Variants in MAGI2 observed in about 807,000 individuals in gnomAD.
MAGI2 encodes the protein membrane associated guanylate kinase, WW and PDZ domain containing 2, also known as membrane-associated guanylate kinase, WW and PDZ domain-containing protein 2.
A neutral mutation model predicts 133.3 loss-of-function variants in MAGI2; 35 were observed. That is an observed-to-expected ratio of 0.26 (90% CI 0.20 to 0.35). The LOEUF (loss-of-function observed/expected upper bound fraction) is 0.35, where lower values mean the gene tolerates loss of function less well. Ranked by LOEUF, MAGI2 falls within the 10% of genes least tolerant of loss-of-function variation. The pLI, the probability that MAGI2 is intolerant of heterozygous loss-of-function variation, is 1.00. For synonymous variants in MAGI2, 729 were observed against 710.6 expected (o/e 1.03, Z -0.41); for missense variants, 1,636 against 1,863.4 (o/e 0.88, Z 2.25).
intron 1 of MAGI2, among the ~76,000 whole-genome samples, chr7:79,232,235 GAT>G (rs1269570936): frequency 6.6e-6 from 1 of 151,762 alleles, no homozygotes; most frequent in Non-Finnish European, 1.5e-5. Context: ...GTTCATCAAG[GAT>G]ATTGGTCTAA....
intron 21 of MAGI2, among the ~76,000 whole-genome samples, chr7:78,023,356 C>A (rs1405388846): frequency 6.6e-6 from 1 of 152,182 alleles, no homozygotes; most frequent in Non-Finnish European, 1.5e-5. Flanking sequence ...TGCCTGCCTA[C>A]CTGTTTCCCT....
chr7:78,575,777 T>C (rs1381433948), intron 3 of MAGI2, among the ~76,000 whole-genome samples: 1 of 152,114 alleles, frequency 6.6e-6, no homozygotes, highest in African/African-American at 2.4e-5. Flanking sequence ...CTCAAAATTG[T>C]GAGTCACCAA....
At chr7:79,359,027 T>C (rs1842202561) in intron 1 of MAGI2, among the ~76,000 whole-genome samples, 1 of 152,282 alleles carries the variant, frequency 6.6e-6, no homozygotes, top group South Asian at 2.1e-4. Flanking sequence ...GTGTCAATAC[T>C]GATGTTAATT....
intron 2 of MAGI2, among the ~76,000 whole-genome samples, chr7:78,735,430 T>G (rs1821755909): frequency 6.6e-6 from 1 of 152,210 alleles, no homozygotes; most frequent in Non-Finnish European, 1.5e-5. Flanking sequence ...TTTACTAAGT[T>G]GTCCTTTTCA....
At chr7:78,288,843 T>C (rs1180863271) in intron 9 of MAGI2, among the ~76,000 whole-genome samples, 1 of 152,204 alleles carries the variant, frequency 6.6e-6, no homozygotes, top group African/African-American at 2.4e-5. Flanking sequence ...AAACAGGGTC[T>C]GGAGTGGACC....
intron 1 of MAGI2, among the ~76,000 whole-genome samples, chr7:79,221,363 A>G (rs1394373001): frequency 6.6e-6 from 1 of 152,036 alleles, no homozygotes; most frequent in Non-Finnish European, 1.5e-5. Flanking sequence ...GCCCTGTGCT[A>G]TGTTATTTCA....
chr7:78,142,269 G>A lies in MAGI2; in HGVS notation c.2846-7063C>T, dbSNP rs1009502286. ...TTTTGCGCTAGACCCTGCAAATTATGTAGTTGGTCTTAGGTAGATCTGTCC... is the reference window on the plus strand; with the variant it reads ...TTTTGCGCTAGACCCTGCAAATTATATAGTTGGTCTTAGGTAGATCTGTCC... On this transcript the variant is annotated intron_variant, in intron 16 of 21. Coordinates refer to ENST00000354212, the MANE Select transcript of MAGI2 (RefSeq NM_012301.4). 3.9e-5 allele frequency among the ~76,000 whole-genome samples: 6 copies of A among 152,250 alleles called. No homozygotes were observed. The South Asian group carries it at 1.2e-3, about 32-fold the overall frequency.
intron 1 of MAGI2, among the ~76,000 whole-genome samples, chr7:79,236,368 AG>A (rs1831924188): frequency 6.6e-6 from 1 of 152,354 alleles, no homozygotes; most frequent in Non-Finnish European, 1.5e-5. Context: ...TGAAGTCTAA[AG>A]GGGAATCACA....
At chr7:78,052,154 G>A (rs1173649947) in intron 21 of MAGI2, among the ~76,000 whole-genome samples, 1 of 143,506 alleles carries the variant, frequency 7.0e-6, no homozygotes, top group African/African-American at 2.9e-5. Flanking sequence ...GTGAGCTACT[G>A]TGCCAGCTGT....
intron 7 of MAGI2, among the ~76,000 whole-genome samples, chr7:78,346,479 A>G (rs888169847): frequency 2.6e-5 from 4 of 152,216 alleles, no homozygotes; most frequent in African/African-American, 4.8e-5. Context: ...TTGATAGAGT[A>G]TAGCAACCAG....
At chr7:78,515,436 A>C (rs1795955696) in intron 4 of MAGI2, among the ~76,000 whole-genome samples, 1 of 152,168 alleles carries the variant, frequency 6.6e-6, no homozygotes, top group Non-Finnish European at 1.5e-5. Context: ...TGCATATTGA[A>C]TATACTGAAT....
intron 1 of MAGI2, among the ~76,000 whole-genome samples, chr7:79,166,369 C>A (rs781082207): frequency 6.6e-6 from 1 of 151,948 alleles, no homozygotes; most frequent in Non-Finnish European, 1.5e-5. Context: ...AGGCAGGGAC[C>A]CTGAGTTCTA....
At chr7:79,372,166 T>C (rs1364370819) in intron 1 of MAGI2, among the ~76,000 whole-genome samples, 1 of 152,076 alleles carries the variant, frequency 6.6e-6, no homozygotes, top group East Asian at 1.9e-4. Flanking sequence ...GACCAACGCA[T>C]GGGAGATTTC....
chr7:78,895,599 C>T (rs1797150962), intron 2 of MAGI2, among the ~76,000 whole-genome samples: 2 of 152,008 alleles, frequency 1.3e-5, no homozygotes, highest in Admixed American at 1.3e-4. Context: ...TCTCGTGATG[C>T]ATTTGACAGT....
intron 2 of MAGI2, among the ~76,000 whole-genome samples, chr7:78,800,996 A>G (rs1253096587): frequency 6.6e-6 from 1 of 152,144 alleles, no homozygotes; most frequent in Non-Finnish European, 1.5e-5. Flanking sequence ...GAAACCAGGG[A>G]ATATATTTTT....
chr7:78,634,927 CTTA>C (rs1310643252), intron 2 of MAGI2, among the ~76,000 whole-genome samples: 1 of 151,962 alleles, frequency 6.6e-6, no homozygotes, highest in African/African-American at 2.4e-5. Context: ...ATATTTTATT[CTTA>C]TTATTTATTC....
At chr7:79,168,125 T>C (rs907664640) in intron 1 of MAGI2, among the ~76,000 whole-genome samples, 12 of 152,152 alleles carry the variant, frequency 7.9e-5, no homozygotes, top group Non-Finnish European at 1.0e-4. Flanking sequence ...GGCTTGTTAA[T>C]AAATATGTGG....
intron 1 of MAGI2, among the ~76,000 whole-genome samples, chr7:79,452,639 C>T (rs1171544155): frequency 1.3e-5 from 2 of 152,026 alleles, no homozygotes; most frequent in Non-Finnish European, 2.9e-5. Flanking sequence ...CCTTCTTTCC[C>T]TCCCTTCCTC....
intron 6 of MAGI2, among the ~76,000 whole-genome samples, chr7:78,472,042 C>A (rs1483715204): frequency 1.3e-5 from 2 of 152,020 alleles, no homozygotes; most frequent in Non-Finnish European, 2.9e-5. Context: ...GGCTCCAGAG[C>A]CTATGTTCTT....
Sources: allele counts gnomAD v4.1 joint callset (sites outside exome capture counted in the v4.1 genomes callset), GRCh38; gene constraint gnomAD v4.1.1; transcripts MANE v1.5; gene names NCBI Gene and HGNC (gene_info 2026-07-23, HGNC 2026-07-21).